Variants in SCAND3 observed in about 807,000 individuals in gnomAD.
SCAND3 encodes SCAN domain-containing protein 3.
chr6:28,599,278 A>T, the SCAND3 span, among the ~76,000 whole-genome samples: 3 of 152,260 alleles, frequency 2.0e-5, no homozygotes, highest in African/African-American at 7.2e-5. Context: ...TGAAAACCCC[A>T]GTGAGATACT....
At chr6:28,582,332 T>C in the SCAND3 span, among the ~76,000 whole-genome samples, 1,986 of 152,196 alleles carry the variant, frequency 0.013, 21 homozygotes, top group Non-Finnish European at 0.021. This position sits in a 1 kb window ranked among gnomAD's most constrained non-coding sequence, Gnocchi z 4.8. Flanking sequence ...ATTCTTCCAA[T>C]ATGGCCCAGG....
At chr6:28,603,636 AT>A in the SCAND3 span, among the ~76,000 whole-genome samples, 88,467 of 151,782 alleles carry the variant, frequency 0.58, 28,444 homozygotes, top group African/African-American at 0.86. Flanking sequence ...CCTCACTTAC[AT>A]TTTTTTTCTC....
chr6:28,611,554 C>T, the SCAND3 span, among the ~76,000 whole-genome samples: 2 of 152,214 alleles, frequency 1.3e-5, no homozygotes, highest in Non-Finnish European at 2.9e-5. Flanking sequence ...AACTAAAATG[C>T]ACATATAGAA....
At chr6:28,582,628 A>AT in the SCAND3 span, among the ~76,000 whole-genome samples, 3 of 152,282 alleles carry the variant, frequency 2.0e-5, no homozygotes, top group South Asian at 6.2e-4. The surrounding 1 kb of genome is among the most constrained non-coding windows in gnomAD (Gnocchi z 4.8). Context: ...TATTAAAACT[A>AT]TAACAACTCC....
the SCAND3 span, among the ~76,000 whole-genome samples, chr6:28,584,341 A>G: frequency 6.6e-6 from 1 of 151,742 alleles, no homozygotes; most frequent in Admixed American, 6.6e-5. Context: ...ATTTTAAAAG[A>G]CAATTTTTTT....
chr6:28,611,085 T>G, the SCAND3 span, among the ~76,000 whole-genome samples: 1 of 152,218 alleles, frequency 6.6e-6, no homozygotes, highest in Non-Finnish European at 1.5e-5. Flanking sequence ...CCAAAAGAGA[T>G]GCACATACAC....
At chr6:28,612,343 C>T in the SCAND3 span, among the ~76,000 whole-genome samples, 1 of 152,054 alleles carries the variant, frequency 6.6e-6, no homozygotes, top group Admixed American at 6.6e-5. Flanking sequence ...CTGATCACTT[C>T]TGTGTTTTTA....
At chr6:28,574,624 C>T in the SCAND3 span, 99 of 1,591,548 alleles carry the variant, frequency 6.2e-5, no homozygotes, top group Non-Finnish European at 7.5e-5. Context: ...CTTTCATCTA[C>T]GGCAGATATT....
At chr6:28,610,780 A>C in the SCAND3 span, among the ~76,000 whole-genome samples, 1 of 152,218 alleles carries the variant, frequency 6.6e-6, no homozygotes, top group Non-Finnish European at 1.5e-5. Flanking sequence ...TATTCTGATA[A>C]CCAAGAATAT....
the SCAND3 span, among the ~76,000 whole-genome samples, chr6:28,603,587 A>G: frequency 1.3e-5 from 2 of 151,966 alleles, no homozygotes; most frequent in African/African-American, 4.8e-5. Context: ...TTTCTCTCCA[A>G]TTTGGGAAAT....
the SCAND3 span, among the ~76,000 whole-genome samples, chr6:28,585,614 G>A: frequency 1.3e-5 from 2 of 152,102 alleles, no homozygotes; most frequent in Non-Finnish European, 2.9e-5. Context: ...AGAAACATGC[G>A]TTTTTAACAG....
the SCAND3 span, among the ~76,000 whole-genome samples, chr6:28,577,817 C>G: frequency 6.6e-6 from 1 of 152,146 alleles, no homozygotes; most frequent in Non-Finnish European, 1.5e-5. Context: ...AGCTTTGCCT[C>G]CTTAACCAAT....
chr6:28,572,882 G>T, the SCAND3 span: 3 of 1,613,634 alleles, frequency 1.9e-6, no homozygotes, highest in Non-Finnish European at 2.5e-6. This position sits in a 1 kb window ranked among gnomAD's most constrained non-coding sequence, Gnocchi z 4.1. Context: ...AGACTTTCTC[G>T]ATGAATGAAG....
the SCAND3 span, among the ~76,000 whole-genome samples, chr6:28,582,718 C>G: frequency 6.6e-6 from 1 of 151,026 alleles, no homozygotes; most frequent in Non-Finnish European, 1.5e-5. The surrounding 1 kb of genome is among the most constrained non-coding windows in gnomAD (Gnocchi z 4.8). Flanking sequence ...ATCAAGAGAT[C>G]GAGACCATCC....
the SCAND3 span, among the ~76,000 whole-genome samples, chr6:28,610,142 T>C: frequency 6.6e-6 from 1 of 152,188 alleles, no homozygotes. Flanking sequence ...AAGAATGGCT[T>C]AAAGCCAGTA....
At chr6:28,608,186 G>A in the SCAND3 span, among the ~76,000 whole-genome samples, 1 of 152,220 alleles carries the variant, frequency 6.6e-6, no homozygotes, top group Non-Finnish European at 1.5e-5. Flanking sequence ...GCACAAAGGA[G>A]ATTCATTTAA....
At chr6:28,613,321 T>C in the SCAND3 span, among the ~76,000 whole-genome samples, 1 of 152,308 alleles carries the variant, frequency 6.6e-6, no homozygotes, top group East Asian at 1.9e-4. Flanking sequence ...AAATACAGTA[T>C]TTCCCATCAG....
At chr6:28,573,843 A>G in the SCAND3 span, 102 of 1,504,334 alleles carry the variant, frequency 6.8e-5, 1 homozygote, top group Non-Finnish European at 8.6e-5. Context: ...ATTAGGAATA[A>G]AAGTAAATAA....
At chr6:28,586,622 G>A in the SCAND3 span, 1 of 1,614,068 alleles carries the variant, frequency 6.2e-7, no homozygotes, top group Non-Finnish European at 8.5e-7. This position sits in a 1 kb window ranked among gnomAD's most constrained non-coding sequence, Gnocchi z 4.4. Flanking sequence ...GATCCCAAGT[G>A]TGGTCTTCTT....
Sources: gnomAD v4.1 joint callset for allele counts (sites outside exome capture counted in the v4.1 genomes callset) on GRCh38, gnomAD v4.1.1 for gene constraint, Gnocchi (gnomAD v3.1) non-coding constraint, MANE v1.5 for transcripts, NCBI Gene and HGNC (gene_info 2026-07-23, HGNC 2026-07-21) for gene names.